The following UNC5A variants were observed in gnomAD, a reference collection of about 807,000 sequenced individuals.
UNC5A encodes the protein unc-5 netrin receptor A.
In UNC5A, 20 loss-of-function variants were observed where a neutral mutation model predicts 87.4. That is an observed-to-expected ratio of 0.23 (90% CI 0.16 to 0.33). The LOEUF (loss-of-function observed/expected upper bound fraction) is 0.33, where lower values mean the gene tolerates loss of function less well. Among genes scored for constraint, UNC5A ranks in the 10% least tolerant of loss-of-function variants. The pLI, the probability that UNC5A is intolerant of heterozygous loss-of-function variation, is 1.00. For missense variants in UNC5A, 844 were observed against 1,133.4 expected, an observed-to-expected ratio of 0.74 and a Z score of 3.67; for synonymous variants, 438 against 482.3, an observed-to-expected ratio of 0.91 and a Z score of 1.20.
chr5:176,829,967 C>T (rs1251486800), intron 1 of UNC5A, among the ~76,000 whole-genome samples: 1 of 146,058 alleles, frequency 6.8e-6, no homozygotes, highest in African/African-American at 2.5e-5. Flanking sequence ...CTCCACCTCT[C>T]TGGTTCAAGC....
At chr5:176,842,829 G>C (rs139252539) in intron 1 of UNC5A, among the ~76,000 whole-genome samples, 1 of 152,244 alleles carries the variant, frequency 6.6e-6, no homozygotes, top group African/African-American at 2.4e-5. Flanking sequence ...AATACCACCT[G>C]TTCCCCAATC....
intron 1 of UNC5A, 110 bp from the exon 2 acceptor site, chr5:176,862,514 T>C (rs1757865288): frequency 9.9e-7 from 1 of 1,011,660 alleles, no homozygotes; most frequent in Non-Finnish European, 1.5e-6. Flanking sequence ...GAGCCTGGAC[T>C]CACTCTCCTC....
At position 176,841,909 on chromosome 5, in the gene UNC5A, AAAT is replaced by A. The variant is rs1237204790; in HGVS notation, c.71-20714_71-20712del. Among the ~76,000 whole-genome samples, 1 of 152,226 alleles carries A rather than the reference AAAT, an allele frequency of 6.6e-6. No individual in the cohort carries two copies. The highest frequency in any genetic ancestry group is 1.5e-5 in the Non-Finnish European group (1 of 68,042). On this transcript the variant is annotated intron_variant, in intron 1 of 14. Coordinates refer to ENST00000329542, the MANE Select transcript of UNC5A (RefSeq NM_133369.3). This position sits in a 1 kb window ranked among gnomAD's most constrained non-coding sequence, Gnocchi z 4.1. Reference sequence around the variant, plus strand: ...TCCTGCAAGAATGGCCATAATCAAAAAATCAAGGCCGGGTGCGGTGGCTCACGC... The same window carrying A: ...TCCTGCAAGAATGGCCATAATCAAAACAAGGCCGGGTGCGGTGGCTCACGC...
chr5:176,846,135 G>C (rs1757397707), intron 1 of UNC5A, among the ~76,000 whole-genome samples: 2 of 152,134 alleles, frequency 1.3e-5, no homozygotes, highest in Admixed American at 6.6e-5. Context: ...GGCGAGCCTG[G>C]AGGTCCTGAT....
chr5:176,812,907 G>A (rs899309742), intron 1 of UNC5A, among the ~76,000 whole-genome samples: 3 of 152,166 alleles, frequency 2.0e-5, no homozygotes, highest in Non-Finnish European at 2.9e-5. Flanking sequence ...GCCGTGACCC[G>A]GGCTCCTCCC....
rs1284176557 is a variant in UNC5A, at chr5:176,859,673, A to AATG, written c.71-2950_71-2948dup. Among the ~76,000 whole-genome samples the AATG allele has an allele frequency of 2.0e-5, 2 of 101,284 alleles. 1 individual carries two copies. The highest frequency in any genetic ancestry group is 1.9e-4 in the Admixed American group (2 of 10,740). 66.4% of individuals were successfully genotyped at this position (101,284 alleles called of 152,430 possible). ...CCTTGCTAGAGGGCATAGCTGCTAGAATGTCCTTGCTAGAGGGCATAGCTG... is the reference window on the plus strand; with the variant it reads ...CCTTGCTAGAGGGCATAGCTGCTAGAATGATGTCCTTGCTAGAGGGCATAGCTG... On this transcript the variant is annotated intron_variant, in intron 1 of 14. Transcript: ENST00000329542.
In UNC5A at chr5:176,864,289, G is replaced by A. The variant is rs117975114; in HGVS notation, c.292+1444G>A. 4.9e-4 allele frequency among the ~76,000 whole-genome samples: 74 copies of A among 152,310 alleles called. No homozygotes were observed. The East Asian group carries it at 0.013, about 26-fold the overall frequency. ...GCCTTGGGTGGCTCGGGTATGGAGCGAGAGCGAACCCCGGGGCAGGCAGCA... is the reference window on the plus strand; with the variant it reads ...GCCTTGGGTGGCTCGGGTATGGAGCAAGAGCGAACCCCGGGGCAGGCAGCA... On this transcript the variant is annotated intron_variant, in intron 2 of 14. Coordinates refer to ENST00000329542, the MANE Select transcript of UNC5A (RefSeq NM_133369.3).
At chr5:176,811,618 G>A (rs1756457650) in intron 1 of UNC5A, among the ~76,000 whole-genome samples, 1 of 152,190 alleles carries the variant, frequency 6.6e-6, no homozygotes, top group African/African-American at 2.4e-5. Flanking sequence ...GGGCTTGGGG[G>A]GAGGAAGTTC....
chr5:176,862,663 G>C lies in UNC5A; in HGVS notation c.110G>C (p.Gly37Ala). ...QSATVANPVP[G>A]ANPDLLPHFL... is the part of the protein sequence containing the mutation. ...GCCACCGTGGCCAACCCAGTGCCTGGTGCCAACCCGGACCTGCTTCCCCAC... is the reference window on the plus strand; with the variant it reads ...GCCACCGTGGCCAACCCAGTGCCTGCTGCCAACCCGGACCTGCTTCCCCAC... The change falls in exon 2 of 15, where the codon GGT becomes GCT. Residue 37 changes from glycine (G) to alanine (A), a missense_variant. Gly to Ala is a moderately conservative substitution (Grantham distance 60). Coordinates refer to ENST00000329542, the MANE Select transcript of UNC5A (RefSeq NM_133369.3). The C allele has an allele frequency of 6.2e-7, 1 of 1,613,584 alleles. No individual in the cohort carries two copies. The highest frequency in any genetic ancestry group is 8.5e-7 in the Non-Finnish European group (1 of 1,179,978).
chr5:176,817,146 C>T (rs557085155), intron 1 of UNC5A, among the ~76,000 whole-genome samples: 1 of 152,264 alleles, frequency 6.6e-6, no homozygotes, highest in African/African-American at 2.4e-5. Flanking sequence ...GTGGGAGCGC[C>T]AAGGGCCAGC....
chr5:176,838,795 G>A lies in UNC5A; in HGVS notation c.71-23829G>A, dbSNP rs1003735313. ...CCTCTCTTGAAAAGCCCTGGGGAAT[G>A]TCTCCTGGGACCTCAGTGGCTGGCC... On this transcript the variant is annotated intron_variant, in intron 1 of 14. Transcript: ENST00000329542. This position sits in a 1 kb window ranked among gnomAD's most constrained non-coding sequence, Gnocchi z 4.2. Among the ~76,000 whole-genome samples, 2 of 152,226 alleles carry A rather than the reference G, an allele frequency of 1.3e-5. No homozygotes were observed. The highest frequency in any genetic ancestry group is 1.3e-4 in the Admixed American group (2 of 15,290).
In UNC5A at chr5:176,853,733, C is replaced by T. The variant is rs574446737; in HGVS notation, c.71-8891C>T. Among the ~76,000 whole-genome samples the T allele has an allele frequency of 2.6e-5, 4 of 152,358 alleles. No individual in the cohort carries two copies. In the East Asian group the frequency reaches 7.7e-4, roughly 29 times the overall value. On this transcript the variant is annotated intron_variant, in intron 1 of 14. Transcript: ENST00000329542. The stretch of plus-strand genomic sequence containing the variant: ...CTAGACAGGAGACACTGCCCTCTCC[C>T]CACCTTCGTGCATTCACCACACACT...
intron 10 of UNC5A, 75 bp from the exon 11 acceptor site, chr5:176,877,819 G>C (rs1758300983): frequency 6.6e-7 from 1 of 1,520,942 alleles, no homozygotes; most frequent in South Asian, 1.2e-5. Flanking sequence ...CCAGTCTCCG[G>C]CCACTTCTTG....
intron 1 of UNC5A, among the ~76,000 whole-genome samples, chr5:176,843,472 G>A (rs1274949828): frequency 6.6e-6 from 1 of 152,214 alleles, no homozygotes; most frequent in Non-Finnish European, 1.5e-5. Context: ...CAAAGGGGCT[G>A]GCGGGAACTT....
intron 1 of UNC5A, among the ~76,000 whole-genome samples, chr5:176,836,713 C>T (rs1207778739): frequency 1.3e-5 from 2 of 152,164 alleles, no homozygotes; most frequent in Non-Finnish European, 2.9e-5. Context: ...CCTGACAGAG[C>T]GAACCGCTCC....
chr5:176,819,830 G>A (rs1307681868), intron 1 of UNC5A, among the ~76,000 whole-genome samples: 1 of 152,196 alleles, frequency 6.6e-6, no homozygotes, highest in African/African-American at 2.4e-5. Context: ...CAAGAAGGGT[G>A]GGCACAATCA....
At chr5:176,863,683 A>G (rs547590471) in intron 2 of UNC5A, among the ~76,000 whole-genome samples, 3 of 149,052 alleles carry the variant, frequency 2.0e-5, no homozygotes, top group African/African-American at 7.4e-5. Flanking sequence ...ACTGGCAGAG[A>G]GAGAGGCAGG....
rs531382675 is a variant in UNC5A, at chr5:176,832,977, A to G, written c.70+22157A>G. 7.4e-4 allele frequency among the ~76,000 whole-genome samples: 112 copies of G among 152,194 alleles called. 1 individual carries two copies. Among genetic ancestry groups the G allele is most frequent in the Non-Finnish European group, 1.4e-3 (92 of 68,024 alleles). On this transcript the variant is annotated intron_variant, in intron 1 of 14. Transcript: ENST00000329542. ...GCAGAGGAGGAACGAAAGGAGGCTC[A>G]TGCCTTCTTAAATCCTCCATTCCCT...
intron 1 of UNC5A, among the ~76,000 whole-genome samples, chr5:176,852,009 A>T (rs1757555900): frequency 6.6e-6 from 1 of 152,178 alleles, no homozygotes; most frequent in African/African-American, 2.4e-5. Flanking sequence ...CATTAGGAAG[A>T]CAGAAGGACC....
Sources: allele counts gnomAD v4.1 joint callset (sites outside exome capture counted in the v4.1 genomes callset), GRCh38; gene constraint gnomAD v4.1.1; non-coding constraint Gnocchi (gnomAD v3.1); transcripts MANE v1.5; gene names NCBI Gene and HGNC (gene_info 2026-07-23, HGNC 2026-07-21).